VPS13B: variants seen among roughly 807,000 people sequenced by gnomAD.
VPS13B encodes vacuolar protein sorting 13 homolog B.
A neutral mutation model predicts 426.4 loss-of-function variants in VPS13B; 285 were observed. That is an observed-to-expected ratio of 0.67 (90% CI 0.61 to 0.74). The LOEUF (loss-of-function observed/expected upper bound fraction) is 0.74. Ranked by LOEUF, VPS13B falls within the 30% of genes least tolerant of loss-of-function variation. VPS13B has a pLI of 0.00. For synonymous variants in VPS13B, 1,676 were observed against 1,676.4 expected (o/e 1.00, Z 0.01); for missense variants, 4,537 against 4,782.6 (o/e 0.95, Z 1.51).
chr8:99,212,320 G>A (rs879041918), intron 17 of VPS13B, among the ~76,000 whole-genome samples: 1 of 152,166 alleles, frequency 6.6e-6, no homozygotes, highest in Non-Finnish European at 1.5e-5. Flanking sequence ...CCTAATTGAG[G>A]CCAATGGGGT....
chr8:99,336,931 C>A (rs1450946184), intron 19 of VPS13B, among the ~76,000 whole-genome samples: 1 of 151,904 alleles, frequency 6.6e-6, no homozygotes, highest in Non-Finnish European at 1.5e-5. Flanking sequence ...TAAACTAGTT[C>A]AACCATTGTG....
intron 3 of VPS13B, among the ~76,000 whole-genome samples, chr8:99,070,942 A>G (rs1760029706): frequency 6.6e-6 from 1 of 152,032 alleles, no homozygotes; most frequent in Admixed American, 6.6e-5. Context: ...TTGATTTCCA[A>G]AAATTATTTT....
intron 17 of VPS13B, among the ~76,000 whole-genome samples, chr8:99,222,002 T>A (rs1469652243): frequency 2.0e-5 from 3 of 152,224 alleles, no homozygotes; most frequent in African/African-American, 7.2e-5. Context: ...TTTGTTGGGA[T>A]CCAGTGTTAC....
At chr8:99,383,795 T>G (rs1813967959) in intron 19 of VPS13B, among the ~76,000 whole-genome samples, 1 of 152,210 alleles carries the variant, frequency 6.6e-6, no homozygotes, top group Non-Finnish European at 1.5e-5. Flanking sequence ...GTATCAGTAC[T>G]TCATTTCTTT....
rs138344833 is a variant in VPS13B at position 99,044,184 on chromosome 8, C to T, written c.291+5618C>T. Reference sequence around the variant, plus strand: ...CTGCAAGCTCTGCCTCCCGGGTTCACGCCATTCTCCTGCCTCAGCCTCTGG... The same window carrying T: ...CTGCAAGCTCTGCCTCCCGGGTTCATGCCATTCTCCTGCCTCAGCCTCTGG... On this transcript the variant is annotated intron_variant, in intron 3 of 61. Transcript: ENST00000357162. 7.2e-4 allele frequency among the ~76,000 whole-genome samples: 105 copies of T among 146,384 alleles called. No individual in the cohort carries two copies. The East Asian group carries it at 0.02, about 28-fold the overall frequency.
chr8:99,494,503 T>C (rs1366431350), intron 25 of VPS13B, among the ~76,000 whole-genome samples: 1 of 152,160 alleles, frequency 6.6e-6, no homozygotes, highest in Non-Finnish European at 1.5e-5. Flanking sequence ...TTGTTTGCTT[T>C]TAATGCATAG....
intron 31 of VPS13B, among the ~76,000 whole-genome samples, chr8:99,571,284 T>C (rs535090936): frequency 1.3e-5 from 2 of 152,318 alleles, no homozygotes; most frequent in Non-Finnish European, 2.9e-5. Flanking sequence ...AGAATTTAAT[T>C]CTTAATTGTA....
chr8:99,077,727 C>A (rs879620835), intron 3 of VPS13B, among the ~76,000 whole-genome samples: 2 of 151,946 alleles, frequency 1.3e-5, no homozygotes, highest in Non-Finnish European at 2.9e-5. Context: ...CTGGTAGAAT[C>A]CGTTTGGGGT....
chr8:99,662,506 G>C (rs747891739), intron 35 of VPS13B, among the ~76,000 whole-genome samples: 5 of 151,718 alleles, frequency 3.3e-5, no homozygotes, highest in Non-Finnish European at 5.9e-5. Context: ...AAGTACAGTC[G>C]TGCAATCATA....
intron 40 of VPS13B, among the ~76,000 whole-genome samples, chr8:99,775,912 A>G (rs1047087771): frequency 6.6e-6 from 1 of 152,136 alleles, no homozygotes; most frequent in African/African-American, 2.4e-5. Context: ...CAAAAAAAAA[A>G]GAAAAGATTT....
intron 3 of VPS13B, among the ~76,000 whole-genome samples, chr8:99,085,285 T>C (rs1845712486): frequency 6.6e-6 from 1 of 152,192 alleles, no homozygotes; most frequent in Non-Finnish European, 1.5e-5. Context: ...CCCCTGCCTT[T>C]TTTTGTTTTC....
At chr8:99,339,056 C>T (rs1811087754) in intron 19 of VPS13B, among the ~76,000 whole-genome samples, 1 of 152,046 alleles carries the variant, frequency 6.6e-6, no homozygotes, top group African/African-American at 2.4e-5. Context: ...ATTATTATTC[C>T]TGTGCCTGTA....
intron 19 of VPS13B, among the ~76,000 whole-genome samples, chr8:99,317,207 T>C (rs1391868319): frequency 1.3e-5 from 2 of 152,248 alleles, no homozygotes; most frequent in Admixed American, 6.5e-5. Flanking sequence ...CATGATTATT[T>C]AGTGAGTGGG....
intron 52 of VPS13B, 123 bp from the exon 53 acceptor site, chr8:99,835,074 T>A (rs1815310575): frequency 8.2e-7 from 1 of 1,217,408 alleles, no homozygotes; most frequent in Non-Finnish European, 1.2e-6. Context: ...GAATCTCCCC[T>A]GAGTTATAAA....
chr8:99,394,184 G>T (rs774020329), intron 21 of VPS13B, among the ~76,000 whole-genome samples: 3 of 152,038 alleles, frequency 2.0e-5, no homozygotes, highest in African/African-American at 4.8e-5. Flanking sequence ...GTGGAGAAAT[G>T]TTAATGTTCA....
Position 99,575,692 on chromosome 8 carries a change from A to G in VPS13B, c.4984A>G (p.Thr1662Ala). Residue 1662 changes from threonine (T) to alanine (A), a missense_variant, in exon 32 of 62, where the codon ACC (threonine) becomes GCC (alanine). Transcript: ENST00000357162. Reference protein sequence around the residue: ...RRHQERRAILTPVLTDFSVRI... With the variant: ...RRHQERRAILAPVLTDFSVRI... ...GCATCAAGAAAGGAGAGCAATTTTG[A>G]CCCCCGTTTTGACAGATTTTTCTGT... 1 of 1,613,620 alleles carries G rather than the reference A, an allele frequency of 6.2e-7. No homozygotes were observed. Among genetic ancestry groups the G allele is most frequent in the East Asian group, 2.2e-5 (1 of 44,836 alleles).
At chr8:99,468,274 G>T (rs1202985612) in intron 24 of VPS13B, among the ~76,000 whole-genome samples, 1 of 151,990 alleles carries the variant, frequency 6.6e-6, no homozygotes, top group Non-Finnish European at 1.5e-5. Flanking sequence ...GCAATAATTT[G>T]CTCAGAATGA....
intron 50 of VPS13B, among the ~76,000 whole-genome samples, chr8:99,823,209 CT>C (rs1814478977): frequency 6.6e-6 from 1 of 152,170 alleles, no homozygotes; most frequent in Admixed American, 6.5e-5. Flanking sequence ...GGGGAAGTTA[CT>C]TCTTTGTGCC....
At chr8:99,458,233 C>A (rs1385404899) in intron 23 of VPS13B, among the ~76,000 whole-genome samples, 10 of 152,146 alleles carry the variant, frequency 6.6e-5, no homozygotes, top group Non-Finnish European at 1.3e-4. Context: ...CATGTCCCTG[C>A]AAAGGACATG....
Sources: allele counts gnomAD v4.1 joint callset (sites outside exome capture counted in the v4.1 genomes callset), GRCh38; gene constraint gnomAD v4.1.1; transcripts MANE v1.5; gene names NCBI Gene and HGNC (gene_info 2026-07-23, HGNC 2026-07-21).